The following TECPR2 variants were observed in gnomAD, a reference collection of about 807,000 sequenced individuals.
TECPR2 encodes the protein tectonin beta-propeller repeat-containing protein 2.
TECPR2 carries 65 observed loss-of-function variants against 138.1 expected under a neutral mutation model. The ratio of observed to expected loss-of-function variants is 0.47; its 90% CI spans 0.39 to 0.58. The LOEUF (loss-of-function observed/expected upper bound fraction) is 0.58. TECPR2 is among the 20% of genes least tolerant of loss of function. The probability of loss-of-function intolerance (pLI) is 0.00; values close to 1 mark genes in which losing one functional copy is unlikely to be tolerated. For synonymous variants in TECPR2, 746 were observed against 749.8 expected, an observed-to-expected ratio of 0.99 and a Z score of 0.08; for missense variants, 1,553 against 1,824.5, an observed-to-expected ratio of 0.85 and a Z score of 2.71.
intron 13 of TECPR2, 146 bp from the exon 14 acceptor site, chr14:102,449,483 G>T (rs1242056816): frequency 3.1e-6 from 4 of 1,309,996 alleles, no homozygotes; most frequent in Non-Finnish European, 4.2e-6. Flanking sequence ...TTTCACAAGC[G>T]CACACGTGCA....
Position 102,428,323 on chromosome 14 carries a change from TGAAAG to T in TECPR2, c.1028_1032del (p.Lys343ArgfsTer2), listed in dbSNP as rs1359602238. On this transcript the variant is annotated frameshift_variant, in exon 7 of 20. Transcript: ENST00000359520. LOFTEE classifies it high-confidence loss of function. ...TGCACAGAAAATGAAATATTTTTCT[TGAAAG>T]GAGATAGGAACATTATAAGAATTTC... The T allele has an allele frequency of 1.2e-6, 2 of 1,613,050 alleles. No individual in the cohort carries two copies. The highest frequency in any genetic ancestry group is 1.7e-6 in the Non-Finnish European group (2 of 1,179,788).
At chr14:102,458,572 C>T (rs1028779922) in intron 16 of TECPR2, among the ~76,000 whole-genome samples, 3 of 152,048 alleles carry the variant, frequency 2.0e-5, no homozygotes, top group Non-Finnish European at 2.9e-5. Context: ...GGGGCCCTGG[C>T]TAACTTTCAT....
At chr14:102,427,493 G>A (rs1889354518) in intron 6 of TECPR2, among the ~76,000 whole-genome samples, 1 of 152,156 alleles carries the variant, frequency 6.6e-6, no homozygotes, top group Non-Finnish European at 1.5e-5. Flanking sequence ...TTTAAAATTA[G>A]CCAAAAACAT....
chr14:102,409,917 G>A (rs1368730985), intron 4 of TECPR2, among the ~76,000 whole-genome samples: 1 of 152,064 alleles, frequency 6.6e-6, no homozygotes, highest in Admixed American at 6.5e-5. Context: ...GGATTCTCAT[G>A]CCTCAGCCTC....
intron 4 of TECPR2, among the ~76,000 whole-genome samples, chr14:102,409,914 C>T (rs1324367247): frequency 6.6e-6 from 1 of 152,120 alleles, no homozygotes; most frequent in Non-Finnish European, 1.5e-5. Flanking sequence ...AAGGGATTCT[C>T]ATGCCTCAGC....
At chr14:102,384,846 C>CTTTTTT (rs58616138) in intron 2 of TECPR2, among the ~76,000 whole-genome samples, 8 of 99,400 alleles carry the variant, frequency 8.0e-5, no homozygotes, top group Admixed American at 2.1e-4. Context: ...TTTTCCTTTC[C>CTTTTTT]TTTTTTTTTT....
intron 11 of TECPR2, among the ~76,000 whole-genome samples, chr14:102,440,929 A>T (rs1425532459): frequency 2.6e-5 from 4 of 152,332 alleles, no homozygotes; most frequent in Non-Finnish European, 5.9e-5. Context: ...AAGAGGTAAG[A>T]ATACAGAGGA....
intron 11 of TECPR2, among the ~76,000 whole-genome samples, chr14:102,442,068 TC>T (rs1373805925): frequency 6.6e-6 from 1 of 152,180 alleles, no homozygotes; most frequent in Non-Finnish European, 1.5e-5. Flanking sequence ...AACCTCCACT[TC>T]CTGGGTTCAA....
Position 102,406,229 on chromosome 14 carries a change from G to A in TECPR2, c.220-1109G>A, listed in dbSNP as rs187352990. On this transcript the variant is annotated intron_variant, in intron 2 of 19. Transcript: ENST00000359520. ...TAAAAAGGGATACTGGTAATTTTACGTTATGTGTATTTTAACATTAAAAAA... is the reference window on the plus strand; with the variant it reads ...TAAAAAGGGATACTGGTAATTTTACATTATGTGTATTTTAACATTAAAAAA... Among the ~76,000 whole-genome samples, 344 of 152,234 alleles carry A rather than the reference G, an allele frequency of 2.3e-3. 3 individuals are homozygous for A. The highest frequency in any genetic ancestry group is 7.6e-3 in the African/African-American group (316 of 41,518).
chr14:102,384,826 A>G (rs1251285711), intron 2 of TECPR2, among the ~76,000 whole-genome samples: 1 of 137,946 alleles, frequency 7.2e-6, no homozygotes, highest in Non-Finnish European at 1.5e-5. Context: ...AGGATGCCAG[A>G]CTCATTTTCT....
Position 102,497,796 on chromosome 14 carries a change from A to G in TECPR2, c.4081+77A>G, listed in dbSNP as rs71417803. On this transcript the variant is annotated intron_variant, in intron 19 of 19. Coordinates refer to ENST00000359520, the MANE Select transcript of TECPR2 (RefSeq NM_014844.5). Reference sequence around the variant, plus strand: ...CTGTGGACGATGTCGGGGGGCTCTCAAAGAAGCCGACCCCACTGGGCTCCA... The same window carrying G: ...CTGTGGACGATGTCGGGGGGCTCTCGAAGAAGCCGACCCCACTGGGCTCCA... 0.028 allele frequency: 41,188 copies of G among 1,457,492 alleles called. 721 individuals carry two copies. Among genetic ancestry groups the G allele is most frequent in the Non-Finnish European group, 0.034 (37,232 of 1,097,756 alleles). 90.3% of individuals were successfully genotyped at this position (1,457,492 alleles called of 1,614,324 possible).
Position 102,501,927 on chromosome 14 carries a change from A to G in TECPR2, c.*3670A>G, listed in dbSNP as rs1191345690. On this transcript the variant is annotated 3_prime_UTR_variant, in exon 20 of 20. Coordinates refer to ENST00000359520, the MANE Select transcript of TECPR2 (RefSeq NM_014844.5). The stretch of plus-strand genomic sequence containing the variant: ...GGGAGCCCCCCATTGGCGCCGCCCT[A>G]CTGGGGAAGCCGGTCCGTACGTAGG... 3 of 152,208 alleles carry G rather than the reference A, an allele frequency of 2.0e-5. No individual in the cohort carries two copies. The highest frequency in any genetic ancestry group is 7.2e-5 in the African/African-American group (3 of 41,446). 9.4% of individuals were successfully genotyped at this position (152,208 alleles called of 1,614,324 possible).
At chr14:102,483,269 G>A (rs1040289480) in intron 17 of TECPR2, among the ~76,000 whole-genome samples, 5 of 152,114 alleles carry the variant, frequency 3.3e-5, no homozygotes, top group Non-Finnish European at 7.3e-5. Context: ...GCCTTGGTGA[G>A]GGCTGTGTTC....
At chr14:102,378,851 C>T (rs534507455) in intron 2 of TECPR2, among the ~76,000 whole-genome samples, 4 of 152,206 alleles carry the variant, frequency 2.6e-5, no homozygotes, top group Admixed American at 2.6e-4. Context: ...TCTTGAACTC[C>T]TGACGTCAGG....
chr14:102,452,893 C>T (rs754194429), intron 16 of TECPR2, among the ~76,000 whole-genome samples: 14 of 152,278 alleles, frequency 9.2e-5, no homozygotes, highest in South Asian at 6.2e-4. Context: ...AGGGGCCACT[C>T]GCTGCGAGCG....
At position 102,443,835 on chromosome 14, in the gene TECPR2, C is replaced by T. The variant is rs763435156; in HGVS notation, c.2933+8C>T. On this transcript the variant is annotated splice_region_variant and intron_variant, in intron 12 of 19. Coordinates refer to ENST00000359520, the MANE Select transcript of TECPR2 (RefSeq NM_014844.5). This position sits in a 1 kb window ranked among gnomAD's most constrained non-coding sequence, Gnocchi z 4.9. ...GAAGTGTGACATTGTCAGGTACTGGCGGGCCAGAGACTCCTTTCACATCGT... is the reference window on the plus strand; with the variant it reads ...GAAGTGTGACATTGTCAGGTACTGGTGGGCCAGAGACTCCTTTCACATCGT... 22 of 1,556,620 alleles carry T rather than the reference C, an allele frequency of 1.4e-5. No homozygotes were observed. The highest frequency in any genetic ancestry group is 1.8e-5 in the Admixed American group (1 of 56,526).
chr14:102,481,060 C>T lies in TECPR2; in HGVS notation c.3789+15771C>T, dbSNP rs574270739. Among the ~76,000 whole-genome samples, 7 of 149,484 alleles carry T rather than the reference C, an allele frequency of 4.7e-5. No individual in the cohort carries two copies. The South Asian group carries it at 1.3e-3, about 27-fold the overall frequency. On this transcript the variant is annotated intron_variant, in intron 17 of 19. Transcript: ENST00000359520. ...AGGGTCTCACTCTGTCACCCAGGCGCGTAGTGCAGTGGCACAATCTCAGCT... is the reference window on the plus strand; with the variant it reads ...AGGGTCTCACTCTGTCACCCAGGCGTGTAGTGCAGTGGCACAATCTCAGCT...
At chr14:102,422,608 C>T (rs1889215085) in intron 5 of TECPR2, among the ~76,000 whole-genome samples, 1 of 152,048 alleles carries the variant, frequency 6.6e-6, no homozygotes, top group Non-Finnish European at 1.5e-5. Context: ...GAAAGATAAA[C>T]AATACTAAAT....
Position 102,443,643 on chromosome 14 carries a change from G to A in TECPR2, c.2753-4G>A. ...TTTGGGGCTTCTTCCCATCTTCCTG[G>A]CAGGTCTGAGCGTGGATCGCCCTTG... On this transcript the variant is annotated splice_polypyrimidine_tract_variant and splice_region_variant and intron_variant, in intron 11 of 19. Coordinates refer to ENST00000359520, the MANE Select transcript of TECPR2 (RefSeq NM_014844.5). The surrounding 1 kb of genome is among the most constrained non-coding windows in gnomAD (Gnocchi z 4.9). The A allele has an allele frequency of 6.4e-7, 1 of 1,555,700 alleles. No individual in the cohort carries two copies. Among genetic ancestry groups the A allele is most frequent in the Non-Finnish European group, 8.8e-7 (1 of 1,139,566 alleles).
Sources: gnomAD v4.1 joint callset for allele counts (sites outside exome capture counted in the v4.1 genomes callset) on GRCh38, gnomAD v4.1.1 for gene constraint, Gnocchi (gnomAD v3.1) non-coding constraint, MANE v1.5 for transcripts, NCBI Gene and HGNC (gene_info 2026-07-23, HGNC 2026-07-21) for gene names.